The following CSMD1 variants were observed in gnomAD, a reference collection of about 807,000 sequenced individuals.
CSMD1 encodes the protein CUB and sushi domain-containing protein 1.
In CSMD1, 213 loss-of-function variants were observed where a neutral mutation model predicts 417.5. The observed-to-expected ratio is 0.51, with a 90% CI of 0.46 to 0.57. The LOEUF is 0.57. CSMD1 is among the 20% of genes least tolerant of loss of function. The pLI is 0.00. For synonymous variants in CSMD1, 2,862 were observed against 1,736.8 expected (o/e 1.65, Z -16.11); for missense variants, 6,923 against 4,529.7 (o/e 1.53, Z -15.17).
chr8:4,254,576 T>G (rs1252598334), intron 3 of CSMD1, among the ~76,000 whole-genome samples: 5 of 152,294 alleles, frequency 3.3e-5, no homozygotes, highest in African/African-American at 7.2e-5. Flanking sequence ...TCCTAAGCCT[T>G]CACATTCACT....
chr8:3,513,540 C>G (rs542329263), intron 10 of CSMD1, among the ~76,000 whole-genome samples: 2 of 152,242 alleles, frequency 1.3e-5, no homozygotes, highest in East Asian at 3.9e-4. Flanking sequence ...TATATATACA[C>G]CTATCCTGTT....
chr8:4,142,885 G>C (rs1422673403), intron 3 of CSMD1, among the ~76,000 whole-genome samples: 1 of 150,894 alleles, frequency 6.6e-6, no homozygotes, highest in East Asian at 1.9e-4. Context: ...ATGATTAGTA[G>C]CTGACAACAC....
intron 2 of CSMD1, among the ~76,000 whole-genome samples, chr8:4,627,639 C>A (rs1802196688): frequency 6.6e-6 from 1 of 152,144 alleles, no homozygotes; most frequent in Non-Finnish European, 1.5e-5. Context: ...CGATGCCCAA[C>A]ATCACCTCCC....
chr8:4,093,285 T>C (rs973549877), intron 3 of CSMD1, among the ~76,000 whole-genome samples: 4 of 152,144 alleles, frequency 2.6e-5, no homozygotes, highest in Non-Finnish European at 5.9e-5. Context: ...AAAAAATAAT[T>C]TATCCTATAC....
intron 5 of CSMD1, among the ~76,000 whole-genome samples, chr8:3,862,069 G>C (rs1804750264): frequency 6.6e-6 from 1 of 152,076 alleles, no homozygotes; most frequent in African/African-American, 2.4e-5. Flanking sequence ...TCTCCCATGT[G>C]CCTTTCTTTT....
At chr8:4,398,543 G>A (rs1261500527) in intron 3 of CSMD1, among the ~76,000 whole-genome samples, 2 of 151,624 alleles carry the variant, frequency 1.3e-5, no homozygotes, top group African/African-American at 2.4e-5. Context: ...ACAGGCGCCC[G>A]CCACCATGCC....
intron 12 of CSMD1, among the ~76,000 whole-genome samples, chr8:3,434,391 G>A (rs7011336): frequency 0.3 from 45,178 of 151,890 alleles, 7,059 homozygotes; most frequent in East Asian, 0.57. Flanking sequence ...AATTTCTTCT[G>A]AGCATTTGTA....
intron 3 of CSMD1, among the ~76,000 whole-genome samples, chr8:4,120,698 C>G (rs537522435): frequency 1.3e-5 from 2 of 152,322 alleles, no homozygotes; most frequent in African/African-American, 4.8e-5. Flanking sequence ...ATGCCAAATA[C>G]ATATTCAGAA....
chr8:4,488,172 A>G (rs1801509438), intron 2 of CSMD1, among the ~76,000 whole-genome samples: 1 of 152,232 alleles, frequency 6.6e-6, no homozygotes, highest in Admixed American at 6.5e-5. Flanking sequence ...TACAGCTTCC[A>G]GAACTGTGAG....
Position 2,942,575 on chromosome 8 carries a change from T to C in CSMD1, c.10432A>G (p.Ser3478Gly). The change falls in exon 69 of 70, where the codon AGT (serine) becomes GGT (glycine). Residue 3478 changes from serine to glycine, a missense_variant. Transcript: ENST00000635120. Reference sequence around the variant, plus strand: ...CCACTGCTGGTGCCGTGGTAATGACTGGAAGAGTCTTGATCTGGGTTTAAA... The same window carrying C: ...CCACTGCTGGTGCCGTGGTAATGACCGGAAGAGTCTTGATCTGGGTTTAAA... ...DPLNPDQDSS[S>G]HYHGTSSGSV... The C allele has an allele frequency of 6.2e-7, 1 of 1,601,214 alleles. No individual in the cohort carries two copies. The highest frequency in any genetic ancestry group is 8.5e-7 in the Non-Finnish European group (1 of 1,173,068).
At chr8:4,468,126 T>G (rs892654772) in intron 2 of CSMD1, among the ~76,000 whole-genome samples, 3 of 152,116 alleles carry the variant, frequency 2.0e-5, no homozygotes, top group African/African-American at 7.2e-5. Flanking sequence ...AGATATAACT[T>G]TTTGACTAAA....
At chr8:4,778,517 T>A (rs1339072547) in intron 1 of CSMD1, among the ~76,000 whole-genome samples, 2 of 152,208 alleles carry the variant, frequency 1.3e-5, no homozygotes, top group African/African-American at 4.8e-5. Flanking sequence ...TGGCACGGTA[T>A]AAGCATACAG....
intron 5 of CSMD1, among the ~76,000 whole-genome samples, chr8:3,875,504 T>C (rs1450008337): frequency 6.7e-6 from 1 of 150,328 alleles, no homozygotes; most frequent in Non-Finnish European, 1.5e-5. Context: ...CATGGAGAGG[T>C]GGAGAAAAGG....
chr8:4,933,341 A>T (rs1389698489), intron 1 of CSMD1, among the ~76,000 whole-genome samples: 2 of 152,188 alleles, frequency 1.3e-5, no homozygotes, highest in African/African-American at 2.4e-5. Flanking sequence ...CCGTTTAAAT[A>T]TAGTATCCCC....
rs935911874 is a variant in CSMD1 at position 2,986,328 on chromosome 8, A to C, written c.8378-7528T>G. Among the ~76,000 whole-genome samples, 3 of 152,196 alleles carry C rather than the reference A, an allele frequency of 2.0e-5. No homozygotes were observed. The South Asian group carries it at 6.2e-4, about 32-fold the overall frequency. On this transcript the variant is annotated intron_variant, in intron 54 of 69. Coordinates refer to ENST00000635120, the MANE Select transcript of CSMD1 (RefSeq NM_033225.6). ...GTGGCTACCACTTCCTTGATTCTTC[A>C]TCTAAGAAAACTGCTGTTCTCCCAG...
intron 10 of CSMD1, among the ~76,000 whole-genome samples, chr8:3,547,421 T>C (rs10094438): frequency 0.45 from 68,671 of 152,084 alleles, 15,829 homozygotes; most frequent in East Asian, 0.53. Context: ...AAAACACTAC[T>C]TCTTGTACAT....
intron 1 of CSMD1, among the ~76,000 whole-genome samples, chr8:4,894,763 C>T (rs1334679776): frequency 4.0e-5 from 6 of 151,216 alleles, no homozygotes; most frequent in Non-Finnish European, 8.8e-5. Context: ...TTTGTGTGCA[C>T]ATGTATAAAA....
intron 2 of CSMD1, among the ~76,000 whole-genome samples, chr8:4,467,487 C>G (rs1360423273): frequency 6.6e-6 from 1 of 152,134 alleles, no homozygotes; most frequent in Non-Finnish European, 1.5e-5. Context: ...CATGAGTGGC[C>G]AGAGGATAGA....
At chr8:3,059,250 A>G (rs1366431784) in intron 49 of CSMD1, among the ~76,000 whole-genome samples, 1 of 110,328 alleles carries the variant, frequency 9.1e-6, no homozygotes, top group Non-Finnish European at 2.1e-5. Flanking sequence ...CACCCCAGAC[A>G]TCAAAAAAAA....
Sources: gnomAD v4.1 joint callset for allele counts (sites outside exome capture counted in the v4.1 genomes callset) on GRCh38, gnomAD v4.1.1 for gene constraint, MANE v1.5 for transcripts, NCBI Gene and HGNC (gene_info 2026-07-23, HGNC 2026-07-21) for gene names.